The following GLIS3 variants were observed in gnomAD, a reference collection of about 807,000 sequenced individuals.
GLIS3 encodes the protein GLIS family zinc finger 3.
In GLIS3, 53 loss-of-function variants were observed where a neutral mutation model predicts 78.6. The ratio of observed to expected loss-of-function variants is 0.67; its 90% confidence interval spans 0.54 to 0.85. The LOEUF (loss-of-function observed/expected upper bound fraction) is 0.85, where lower values mean the gene tolerates loss of function less well. Among genes scored for constraint, GLIS3 ranks in the 40% least tolerant of loss-of-function variants. GLIS3 has a pLI of 0.00. For synonymous variants in GLIS3, 684 were observed against 509.9 expected (o/e 1.34, Z -4.60); for missense variants, 1,703 against 1,231.1 (o/e 1.38, Z -5.74).
intron 4 of GLIS3, among the ~76,000 whole-genome samples, chr9:4,307,835 C>T (rs1417563944): frequency 6.6e-6 from 1 of 152,092 alleles, no homozygotes; most frequent in African/African-American, 2.4e-5. Flanking sequence ...TTCCTAGAGC[C>T]TCCAGAAAGG....
At chr9:4,068,562 G>C (rs1003505976) in intron 4 of GLIS3, among the ~76,000 whole-genome samples, 8 of 152,096 alleles carry the variant, frequency 5.3e-5, no homozygotes, top group African/African-American at 1.9e-4. Flanking sequence ...CAATGACCAA[G>C]TATAACCTGT....
intron 4 of GLIS3, among the ~76,000 whole-genome samples, chr9:3,945,570 C>T (rs1816236638): frequency 6.6e-6 from 1 of 152,136 alleles, no homozygotes; most frequent in Non-Finnish European, 1.5e-5. Flanking sequence ...TCTGACCCTG[C>T]TTGCTCCAAT....
chr9:3,904,590 T>C (rs923094532), intron 6 of GLIS3, among the ~76,000 whole-genome samples: 9 of 152,188 alleles, frequency 5.9e-5, no homozygotes, highest in African/African-American at 2.2e-4. Context: ...GACCGTTTGT[T>C]TCAGGTCAGG....
intron 2 of GLIS3, among the ~76,000 whole-genome samples, chr9:4,167,920 C>T (rs1207894979): frequency 6.6e-6 from 1 of 152,184 alleles, no homozygotes; most frequent in Non-Finnish European, 1.5e-5. Context: ...ACTGGCCAAG[C>T]CTGATCAGAA....
rs111668056 is a variant in GLIS3 at position 4,043,415 on chromosome 9, G to C, written c.1710+74353C>G. Reference sequence around the variant, plus strand: ...TGGGGTGAGGGTGGGGAGCAGTTCTGATTGAGCTGTGGTAGGATTCCCAGG... The same window carrying C: ...TGGGGTGAGGGTGGGGAGCAGTTCTCATTGAGCTGTGGTAGGATTCCCAGG... On this transcript the variant is annotated intron_variant, in intron 4 of 10. Transcript: ENST00000381971. 5.4e-3 allele frequency among the ~76,000 whole-genome samples: 827 copies of C among 152,182 alleles called. 10 individuals carry two copies. Among genetic ancestry groups the C allele is most frequent in the African/African-American group, 0.019 (783 of 41,516 alleles).
rs547129610 is a variant in GLIS3, at chr9:4,150,597, A to G, written c.389-24656T>C. On this transcript the variant is annotated intron_variant, in intron 2 of 10. Coordinates refer to ENST00000381971, the MANE Select transcript of GLIS3 (RefSeq NM_001042413.2). ...CACATCAGAAAACCTTTACTCTCTC[A>G]TATCTTAAAAGACTATCTTTAAACC... Among the ~76,000 whole-genome samples, 502 of 152,328 alleles carry G rather than the reference A, an allele frequency of 3.3e-3. 3 individuals carry two copies. The highest frequency in any genetic ancestry group is 3.2e-3 in the Non-Finnish European group (215 of 68,026).
intron 4 of GLIS3, chr9:4,081,407 A>G (rs1182242240): frequency 6.6e-5 from 10 of 152,134 alleles, no homozygotes; most frequent in African/African-American, 2.2e-4. Context: ...ACATTTGGCC[A>G]TGTACCTGGG....
At chr9:3,852,774 A>G (rs1032226738) in intron 9 of GLIS3, among the ~76,000 whole-genome samples, 1 of 152,192 alleles carries the variant, frequency 6.6e-6, no homozygotes, top group Admixed American at 6.5e-5. Flanking sequence ...GCCCTTTGCA[A>G]CCTCATTGCA....
chr9:4,176,676 T>G (rs1816839296), intron 2 of GLIS3, among the ~76,000 whole-genome samples: 1 of 152,172 alleles, frequency 6.6e-6, no homozygotes, highest in South Asian at 2.1e-4. Flanking sequence ...CAGGCTACAG[T>G]GTAATGGTGC....
intron 4 of GLIS3, among the ~76,000 whole-genome samples, chr9:3,943,430 G>C (rs745733701): frequency 1.4e-4 from 22 of 152,096 alleles, no homozygotes; most frequent in African/African-American, 4.8e-4. Context: ...CAAATCACCC[G>C]CTTGTCCTTA....
intron 4 of GLIS3, among the ~76,000 whole-genome samples, chr9:4,049,171 A>G (rs746455869): frequency 6.6e-6 from 1 of 152,210 alleles, no homozygotes; most frequent in Non-Finnish European, 1.5e-5. Flanking sequence ...CTGGATAGGA[A>G]CTACTCCAGA....
intron 2 of GLIS3, among the ~76,000 whole-genome samples, chr9:4,194,615 G>A (rs1338880456): frequency 6.6e-6 from 1 of 152,160 alleles, no homozygotes; most frequent in Admixed American, 6.5e-5. Flanking sequence ...TGGAAGCCCA[G>A]CAGAATCATT....
At chr9:3,923,630 G>C (rs750940249) in intron 6 of GLIS3, among the ~76,000 whole-genome samples, 3 of 151,766 alleles carry the variant, frequency 2.0e-5, no homozygotes, top group Non-Finnish European at 4.4e-5. Context: ...TATTAGGGTT[G>C]CTAAATAACA....
intron 2 of GLIS3, among the ~76,000 whole-genome samples, chr9:4,273,761 C>T (rs1425298291): frequency 2.0e-5 from 3 of 152,278 alleles, no homozygotes; most frequent in African/African-American, 7.2e-5. Context: ...ATCCACATAA[C>T]TCGAAGATTC....
chr9:4,282,695 G>A (rs1587295041), intron 2 of GLIS3, among the ~76,000 whole-genome samples: 1 of 152,052 alleles, frequency 6.6e-6, no homozygotes, highest in South Asian at 2.1e-4. Flanking sequence ...CCTGGAACCT[G>A]CCACTCTCCA....
intron 2 of GLIS3, among the ~76,000 whole-genome samples, chr9:4,255,467 G>T (rs1355695076): frequency 6.6e-6 from 1 of 152,178 alleles, no homozygotes; most frequent in Non-Finnish European, 1.5e-5. Context: ...AAGTAACCAA[G>T]ATGCCCATCA....
rs757499288 is a variant in GLIS3 at position 3,828,211 on chromosome 9, A to C, written c.*61T>G. The C allele has an allele frequency of 2.5e-6, 4 of 1,607,590 alleles. No individual in the cohort carries two copies. Among genetic ancestry groups the C allele is most frequent in the Non-Finnish European group, 3.4e-6 (4 of 1,175,342 alleles). ...TCCTCAAGCAGTCTGTGAGAGTACG[A>C]AAACAAAAGGTGGCAAGCAACATCA... On this transcript the variant is annotated 3_prime_UTR_variant, in exon 11 of 11. Transcript: ENST00000381971.
At chr9:4,466,455 C>T in the GLIS3 span, among the ~76,000 whole-genome samples, 2 of 152,086 alleles carry the variant, frequency 1.3e-5, no homozygotes, top group African/African-American at 4.8e-5. Context: ...CCAGTATTAC[C>T]CTTAATCCAA....
At chr9:4,294,951 G>A (rs78026668) in intron 1 of GLIS3, among the ~76,000 whole-genome samples, 11,636 of 152,148 alleles carry the variant, frequency 0.076, 456 homozygotes, top group African/African-American at 0.11. Context: ...TACAATATAA[G>A]TGAGGTGTGA....
Sources: gnomAD v4.1 joint callset for allele counts (sites outside exome capture counted in the v4.1 genomes callset) on GRCh38, gnomAD v4.1.1 for gene constraint, MANE v1.5 for transcripts, NCBI Gene and HGNC (gene_info 2026-07-23, HGNC 2026-07-21) for gene names.